Variants in PCDH11X observed in about 807,000 individuals in gnomAD.
The protein encoded by PCDH11X is protocadherin-11 X-linked.
Under a neutral mutation model 53.3 loss-of-function variants are expected in PCDH11X, and 18 were observed. That is an observed-to-expected ratio of 0.34 (90% CI 0.23 to 0.50). PCDH11X has a LOEUF of 0.50. Among genes scored for constraint, PCDH11X ranks in the 20% least tolerant of loss-of-function variants. PCDH11X has a pLI of 0.98. For synonymous variants in PCDH11X, 279 were observed against 393.3 expected (o/e 0.71, Z 3.44); for missense variants, 570 against 1,032.4 (o/e 0.55, Z 6.14).
At chrX:92,124,560 A>T (rs966193022) in intron 6 of PCDH11X, among the ~76,000 whole-genome samples, 2 of 107,405 alleles carry the variant, frequency 1.9e-5, no homozygotes, top group African/African-American at 3.5e-5. Context: ...AAAAAAAAAA[A>T]TAGGCCTAGT....
chrX:92,103,236 G>A (rs1377649632), intron 6 of PCDH11X, among the ~76,000 whole-genome samples: 1 of 110,910 alleles, frequency 9.0e-6, no homozygotes, highest in Admixed American at 9.6e-5. Flanking sequence ...AACTGGGCAG[G>A]TGGAGATAAC....
chrX:92,114,046 T>C, intron 6 of PCDH11X: 5 of 1,190,690 alleles, frequency 4.2e-6, no homozygotes, highest in Non-Finnish European at 5.7e-6. Flanking sequence ...AGCACGCACA[T>C]TGGTGCCCCT....
At chrX:92,056,287 A>G (rs1330933304) in intron 6 of PCDH11X, among the ~76,000 whole-genome samples, 1 of 111,398 alleles carries the variant, frequency 9.0e-6, no homozygotes, top group Non-Finnish European at 1.9e-5. Context: ...ATGATCAGTG[A>G]TTTTGATCAT....
intron 10 of PCDH11X, among the ~76,000 whole-genome samples, chrX:92,536,915 A>G (rs1488003340): frequency 1.8e-5 from 2 of 110,854 alleles, no homozygotes; most frequent in East Asian, 5.7e-4. Context: ...AACTCATTGT[A>G]GTTTTGATTT....
chrX:91,858,883 G>A (rs918349379), intron 5 of PCDH11X, among the ~76,000 whole-genome samples: 5 of 111,205 alleles, frequency 4.5e-5, no homozygotes, highest in African/African-American at 1.6e-4. Context: ...GTTTATTTAG[G>A]ATCCCTCTAA....
At chrX:92,297,531 C>G (rs2755284) in intron 8 of PCDH11X, among the ~76,000 whole-genome samples, 1 of 111,721 alleles carries the variant, frequency 9.0e-6, no homozygotes, top group South Asian at 3.7e-4. Flanking sequence ...CCAGTTCCAC[C>G]CTATCTTGGT....
chrX:91,891,262 G>A lies in PCDH11X; in HGVS notation c.3033+11989G>A, dbSNP rs200591272. ...TTGATGTAATTTCAGTGCATACAGTGTGTATAATCTGTATTAAGTGAAATA... is the reference window on the plus strand; with the variant it reads ...TTGATGTAATTTCAGTGCATACAGTATGTATAATCTGTATTAAGTGAAATA... On this transcript the variant is annotated intron_variant, in intron 6 of 10. Coordinates refer to ENST00000682573, the MANE Select transcript of PCDH11X (RefSeq NM_032968.5). Among the ~76,000 whole-genome samples the A allele has an allele frequency of 1.5e-4, 14 of 90,942 alleles. No individual in the cohort carries two copies. In the East Asian group the frequency reaches 5.6e-3, roughly 37 times the overall value. 79.0% of individuals were successfully genotyped at this position (90,942 alleles called of 115,157 possible).
At chrX:92,013,535 T>G (rs1207622007) in intron 6 of PCDH11X, among the ~76,000 whole-genome samples, 2 of 111,639 alleles carry the variant, frequency 1.8e-5, no homozygotes, top group South Asian at 3.8e-4. Flanking sequence ...AAAACTACTT[T>G]AAAGTTCATT....
At chrX:91,932,207 A>G (rs1189151497) in intron 6 of PCDH11X, among the ~76,000 whole-genome samples, 1 of 110,819 alleles carries the variant, frequency 9.0e-6, no homozygotes, top group Non-Finnish European at 1.9e-5. Context: ...ATACACTATT[A>G]TATCTTTTGA....
At chrX:92,598,164 C>T (rs3117513) in intron 10 of PCDH11X, among the ~76,000 whole-genome samples, 4 of 111,213 alleles carry the variant, frequency 3.6e-5, no homozygotes, top group East Asian at 5.7e-4. Context: ...GAACAGGCAA[C>T]GAAAGCAAAA....
At chrX:92,470,785 C>T (rs918571342) in intron 10 of PCDH11X, among the ~76,000 whole-genome samples, 31 of 110,155 alleles carry the variant, frequency 2.8e-4, no homozygotes, top group African/African-American at 9.9e-4. Context: ...ATCTTTGCAT[C>T]TCTAGGTTAA....
At chrX:92,435,118 T>C (rs1360347544) in intron 9 of PCDH11X, among the ~76,000 whole-genome samples, 4 of 110,067 alleles carry the variant, frequency 3.6e-5, no homozygotes, top group Non-Finnish European at 5.7e-5. Flanking sequence ...CATAATAAAA[T>C]GATACAGGAG....
At chrX:92,546,517 CA>C (rs1022405257) in intron 10 of PCDH11X, among the ~76,000 whole-genome samples, 11 of 109,109 alleles carry the variant, frequency 1.0e-4, no homozygotes, top group African/African-American at 3.8e-4. Context: ...GAATGGATAG[CA>C]AAAAAATTGA....
intron 6 of PCDH11X, among the ~76,000 whole-genome samples, chrX:92,004,559 G>A (rs2062563533): frequency 9.1e-6 from 1 of 109,551 alleles, no homozygotes; most frequent in African/African-American, 3.3e-5. Context: ...ATATATCCAG[G>A]TGCTCCAGTG....
intron 8 of PCDH11X, among the ~76,000 whole-genome samples, chrX:92,280,721 G>A (rs753721439): frequency 2.5e-3 from 269 of 108,388 alleles, no homozygotes; most frequent in Non-Finnish European, 3.7e-3. Flanking sequence ...AGAAAATGAG[G>A]AAACAATTGA....
intron 10 of PCDH11X, among the ~76,000 whole-genome samples, chrX:92,532,872 A>G (rs575264452): frequency 8.9e-5 from 10 of 111,837 alleles, no homozygotes; most frequent in Admixed American, 4.8e-4. Context: ...CATGTCTTAC[A>G]TGGATGGAAG....
intron 10 of PCDH11X, among the ~76,000 whole-genome samples, chrX:92,559,954 C>G (rs1307863163): frequency 9.0e-6 from 1 of 111,458 alleles, no homozygotes. Context: ...GGCATGTGAC[C>G]TAGGCAGACA....
intron 6 of PCDH11X, among the ~76,000 whole-genome samples, chrX:91,995,888 C>G (rs1354308249): frequency 2.0e-5 from 2 of 100,758 alleles, no homozygotes; most frequent in Non-Finnish European, 4.0e-5. Context: ...CTCGCTCTGT[C>G]ATCCAGGCTG....
intron 8 of PCDH11X, among the ~76,000 whole-genome samples, chrX:92,318,619 T>C (rs1273956894): frequency 8.9e-6 from 1 of 111,769 alleles, no homozygotes; most frequent in Non-Finnish European, 1.9e-5. Flanking sequence ...ATCATCTCCA[T>C]GGATGTAGGA....
Sources: allele counts gnomAD v4.1 joint callset (sites outside exome capture counted in the v4.1 genomes callset), GRCh38; gene constraint gnomAD v4.1.1; transcripts MANE v1.5; gene names NCBI Gene and HGNC (gene_info 2026-07-23, HGNC 2026-07-21).